UTP23: variants seen among roughly 807,000 people sequenced by gnomAD.
UTP23 encodes UTP23 small subunit processome component.
UTP23 carries 10 observed loss-of-function variants against 19.8 expected under a neutral mutation model. The observed-to-expected ratio is 0.50, with a 90% CI of 0.31 to 0.86. The LOEUF is 0.86. Among genes scored for constraint, UTP23 ranks in the 40% least tolerant of loss-of-function variants. The probability of loss-of-function intolerance (pLI) is 0.05; values close to 1 mark genes in which losing one functional copy is unlikely to be tolerated. For synonymous variants in UTP23, 108 were observed against 105.4 expected, an observed-to-expected ratio of 1.02 and a Z score of -0.15; for missense variants, 282 against 293.1, an observed-to-expected ratio of 0.96 and a Z score of 0.28.
At position 116,774,164 on chromosome 8, in the gene UTP23, A is replaced by T. The variant is rs1238778400; in HGVS notation, c.*2322A>T. 1.0e-6 allele frequency: 1 copy of T among 985,292 alleles called. No homozygotes were observed. Among genetic ancestry groups the T allele is most frequent in the East Asian group, 1.1e-4 (1 of 8,830 alleles). 61.0% of individuals were successfully genotyped at this position (985,292 alleles called of 1,614,324 possible). A position where few individuals can be genotyped will look rare whatever the true frequency, so the allele number is the denominator to read the frequency against. ...TGAACTCTGAAAGTTTGCCAATCTG[A>T]AAAGGGGTGTTTCTGAAGACCACTA... On this transcript the variant is annotated 3_prime_UTR_variant, in exon 3 of 3. Coordinates refer to ENST00000309822, the MANE Select transcript of UTP23 (RefSeq NM_032334.3).
chr8:116,773,531 A>G lies in UTP23; in HGVS notation c.*1689A>G, dbSNP rs1249897320. On this transcript the variant is annotated 3_prime_UTR_variant, in exon 3 of 3. Transcript: ENST00000309822. ...ATGTATTAGTAAGTTTAATATTTTGACAGGGCATGGTGGCTCACACCTGTA... is the reference window on the plus strand; with the variant it reads ...ATGTATTAGTAAGTTTAATATTTTGGCAGGGCATGGTGGCTCACACCTGTA... 1 of 980,638 alleles carries G rather than the reference A, an allele frequency of 1.0e-6. No homozygotes were observed. The highest frequency in any genetic ancestry group is 1.8e-5 in the African/African-American group (1 of 57,118). The allele number at this position is 980,638 out of a possible 1,614,324, so 60.7% of individuals were successfully genotyped here. A position where few individuals can be genotyped will look rare whatever the true frequency, so the allele number is the denominator to read the frequency against.
chr8:116,771,360 C>A lies in UTP23; in HGVS notation c.364-96C>A, dbSNP rs146133440. The A allele has an allele frequency of 1.3e-3, 1,326 of 1,048,880 alleles. 12 individuals are homozygous for A. In the African/African-American group the frequency reaches 0.02, roughly 16 times the overall value. The allele number at this position is 1,048,880 out of a possible 1,614,324, so 65.0% of individuals were successfully genotyped here. ...GGCTTACTCATTTGAAAAATAAAATCTGTGATCTCTTTTATTTTTAATACA... is the reference window on the plus strand; with the variant it reads ...GGCTTACTCATTTGAAAAATAAAATATGTGATCTCTTTTATTTTTAATACA... On this transcript the variant is annotated intron_variant, in intron 2 of 2. Transcript: ENST00000309822.
intron 1 of UTP23, 138 bp from the exon 2 acceptor site, chr8:116,770,054 G>A: frequency 1.3e-6 from 1 of 794,966 alleles, no homozygotes; most frequent in Admixed American, 3.1e-5. Context: ...TTTTTCAAGT[G>A]ATCTTTTAAA....
chr8:116,768,692 T>A (rs1209816131), intron 1 of UTP23, among the ~76,000 whole-genome samples: 1 of 152,188 alleles, frequency 6.6e-6, no homozygotes, highest in Non-Finnish European at 1.5e-5. Context: ...TGAGATGGAG[T>A]CTCACTTTAT....
At chr8:116,768,340 A>G (rs150946167) in intron 1 of UTP23, among the ~76,000 whole-genome samples, 181 of 152,340 alleles carry the variant, frequency 1.2e-3, no homozygotes, top group Non-Finnish European at 2.0e-3. Context: ...CATTTTAAAT[A>G]TAGTGCTATG....
rs1208618452 is a variant in UTP23, at chr8:116,773,506, A to C, written c.*1664A>C. On this transcript the variant is annotated 3_prime_UTR_variant, in exon 3 of 3. Transcript: ENST00000309822. ...AATTATAGAAGTACTAAAAATTACA[A>C]TGTATTAGTAAGTTTAATATTTTGA... 13 of 984,080 alleles carry C rather than the reference A, an allele frequency of 1.3e-5. No individual in the cohort carries two copies. The highest frequency in any genetic ancestry group is 1.6e-5 in the Non-Finnish European group (13 of 828,782). The allele number at this position is 984,080 out of a possible 1,614,324, so 61.0% of individuals were successfully genotyped here.
intron 2 of UTP23, 167 bp downstream of exon 2, chr8:116,770,533 A>C (rs1815638561): frequency 1.6e-6 from 1 of 625,032 alleles, no homozygotes; most frequent in Admixed American, 3.5e-5. Context: ...AATTTGAGGA[A>C]AACTTTAAGC....
Position 116,771,546 on chromosome 8 carries a change from C to T in UTP23, c.454C>T (p.Pro152Ser). The T allele has an allele frequency of 6.2e-7, 1 of 1,611,702 alleles. No homozygotes were observed. The highest frequency in any genetic ancestry group is 1.1e-5 in the South Asian group (1 of 90,202). The change falls in exon 3 of 3, where the codon CCC becomes TCC. Residue 152 changes from proline (P) to serine (S), a missense_variant. Physicochemically the swap from Pro to Ser is moderately conservative, Grantham distance 74. Coordinates refer to ENST00000309822, the MANE Select transcript of UTP23 (RefSeq NM_032334.3). The part of the protein sequence containing the change: ...QNTMVLDKPS[P>S]KTIAFVKAVE... ...CACTATGGTTTTGGACAAACCTTCTCCCAAAACAATTGCCTTTGTAAAAGC... is the reference window on the plus strand; with the variant it reads ...CACTATGGTTTTGGACAAACCTTCTTCCAAAACAATTGCCTTTGTAAAAGC...
rs1287011973 is a variant in UTP23 at position 116,772,206 on chromosome 8, G to C, written c.*364G>C. 50 of 992,366 alleles carry C rather than the reference G, an allele frequency of 5.0e-5. No homozygotes were observed. The highest frequency in any genetic ancestry group is 5.9e-5 in the Non-Finnish European group (49 of 834,648). The allele number at this position is 992,366 out of a possible 1,614,324, so 61.5% of individuals were successfully genotyped here. A position where few individuals can be genotyped will look rare whatever the true frequency, so the allele number is the denominator to read the frequency against. ...CAAAAAAAAAATAAAAACAGTGAATGGGTGTAGGTGTGATGGAATTCACTT... is the reference window on the plus strand; with the variant it reads ...CAAAAAAAAAATAAAAACAGTGAATCGGTGTAGGTGTGATGGAATTCACTT... On this transcript the variant is annotated 3_prime_UTR_variant, in exon 3 of 3. Transcript: ENST00000309822.
intron 2 of UTP23, chr8:116,770,577 G>T: frequency 1.7e-5 from 7 of 420,408 alleles, no homozygotes; most frequent in East Asian, 4.1e-5. Context: ...GGAAGGTTGG[G>T]TTTTGTTTTT....
intron 1 of UTP23, chr8:116,769,966 G>C (rs1168498864): frequency 2.7e-6 from 1 of 376,372 alleles, no homozygotes; most frequent in African/African-American, 2.0e-5. Context: ...TTTATGTAAA[G>C]AGCAATTTGC....
Position 116,774,172 on chromosome 8 carries a change from T to C in UTP23, c.*2330T>C. ...GAAAGTTTGCCAATCTGAAAAGGGG[T>C]GTTTCTGAAGACCACTATCTTTTAC... On this transcript the variant is annotated 3_prime_UTR_variant, in exon 3 of 3. Coordinates refer to ENST00000309822, the MANE Select transcript of UTP23 (RefSeq NM_032334.3). 1 of 985,290 alleles carries C rather than the reference T, an allele frequency of 1.0e-6. No homozygotes were observed. Among genetic ancestry groups the C allele is most frequent in the Non-Finnish European group, 1.2e-6 (1 of 829,912 alleles). The allele number at this position is 985,290 out of a possible 1,614,324, so 61.0% of individuals were successfully genotyped here.
chr8:116,767,997 G>C (rs1034763343), intron 1 of UTP23, among the ~76,000 whole-genome samples: 4 of 152,030 alleles, frequency 2.6e-5, no homozygotes, highest in African/African-American at 9.7e-5. Flanking sequence ...TGAGACAGGA[G>C]GGTTGCCTGA....
chr8:116,767,460 C>G (rs1310270625), intron 1 of UTP23, among the ~76,000 whole-genome samples: 1 of 152,198 alleles, frequency 6.6e-6, no homozygotes, highest in Non-Finnish European at 1.5e-5. Context: ...TGTGTGTTTT[C>G]ACTCTAGGTC....
chr8:116,768,390 C>G, intron 1 of UTP23, among the ~76,000 whole-genome samples: 1 of 152,110 alleles, frequency 6.6e-6, no homozygotes, highest in Admixed American at 6.5e-5. Flanking sequence ...AAATTATATT[C>G]TACAGCAATT....
chr8:116,772,087 C>T lies in UTP23; in HGVS notation c.*245C>T. 9.0e-7 allele frequency: 1 copy of T among 1,112,420 alleles called. No homozygotes were observed. Among genetic ancestry groups the T allele is most frequent in the Non-Finnish European group, 1.1e-6 (1 of 906,656 alleles). 68.9% of individuals were successfully genotyped at this position (1,112,420 alleles called of 1,614,324 possible). ...ATTCCAGCTACTCAGGAGGCTGAGG[C>T]ATGAGAATCGCTTGAACCTGGGAGG... is the stretch of plus-strand genomic sequence containing the variant. On this transcript the variant is annotated 3_prime_UTR_variant, in exon 3 of 3. Transcript: ENST00000309822.
chr8:116,766,571 TGGTC>T lies in UTP23; in HGVS notation c.-32_-29del. 1.3e-6 allele frequency: 2 copies of T among 1,597,650 alleles called. No individual in the cohort carries two copies. The highest frequency in any genetic ancestry group is 1.7e-6 in the Non-Finnish European group (2 of 1,171,018). On this transcript the variant is annotated 5_prime_UTR_variant, in exon 1 of 3. It introduces an in-frame stop codon into an upstream open reading frame of the 5' UTR. Coordinates refer to ENST00000309822, the MANE Select transcript of UTP23 (RefSeq NM_032334.3). ...GCGTGAGGCGTTTACTGATGCTTCC[TGGTC>T]CGGTGGCCTCGGTCCCGGTAAGCCA...
At chr8:116,769,500 T>C (rs978380330) in intron 1 of UTP23, among the ~76,000 whole-genome samples, 3 of 152,146 alleles carry the variant, frequency 2.0e-5, no homozygotes, top group Admixed American at 2.0e-4. Context: ...GGTTTGATCT[T>C]AGACATGGTG....
chr8:116,770,861 T>G (rs1179201529), intron 2 of UTP23: 1 of 153,202 alleles, frequency 6.5e-6, no homozygotes, highest in Non-Finnish European at 1.5e-5. Context: ...CTGTTAATTT[T>G]TTTCATGTTC....
Sources: gnomAD v4.1 joint callset for allele counts (sites outside exome capture counted in the v4.1 genomes callset) on GRCh38, gnomAD v4.1.1 for gene constraint, MANE v1.5 for transcripts, NCBI Gene and HGNC (gene_info 2026-07-23, HGNC 2026-07-21) for gene names.